ITLN1: variants seen among roughly 807,000 people sequenced by gnomAD.
The protein encoded by ITLN1 is intelectin 1.
In ITLN1, 29 loss-of-function variants were observed where a neutral mutation model predicts 36.2. The observed-to-expected ratio is 0.80, with a 90% confidence interval of 0.60 to 1.09. ITLN1 has a LOEUF of 1.09. ITLN1 is among the 50% of genes least tolerant of loss of function. ITLN1 has a pLI of 0.00. For synonymous variants in ITLN1, 143 were observed against 146.5 expected (o/e 0.98, Z 0.17); for missense variants, 358 against 405.2 (o/e 0.88, Z 1.00).
At position 160,884,811 on chromosome 1, in the gene ITLN1, G is replaced by A. The variant is rs186953650; in HGVS notation, c.58+9C>T. 1.1e-4 allele frequency: 177 copies of A among 1,600,722 alleles called. 1 individual carries two copies. In the East Asian group the frequency reaches 3.6e-3, roughly 33 times the overall value. Reference sequence around the variant, plus strand: ...TGAAGGAACTGCTGTCCCTAGCAGCGTGACTCACCTGTACTCCATCCTCTG... The same window carrying A: ...TGAAGGAACTGCTGTCCCTAGCAGCATGACTCACCTGTACTCCATCCTCTG... On this transcript the variant is annotated intron_variant, in intron 2 of 7. Transcript: ENST00000326245.
intron 5 of ITLN1, 148 bp from the exon 6 acceptor site, chr1:160,880,856 C>T (rs1469699761): frequency 7.8e-6 from 8 of 1,023,002 alleles, no homozygotes; most frequent in Non-Finnish European, 1.1e-5. Context: ...AGAATCTTTC[C>T]ATGACACTGC....
At chr1:160,881,019 A>C in intron 5 of ITLN1, 135 bp downstream of exon 5, 1 of 1,067,214 alleles carries the variant, frequency 9.4e-7, no homozygotes, top group Non-Finnish European at 1.3e-6. Context: ...TAAGAGAAGC[A>C]ACAGAAGCCA....
chr1:160,882,126 C>T lies in ITLN1; in HGVS notation c.236G>A (p.Trp79Ter), dbSNP rs772839476. The T allele has an allele frequency of 1.2e-6, 2 of 1,613,736 alleles. No individual in the cohort carries two copies. Among genetic ancestry groups the T allele is most frequent in the South Asian group, 1.1e-5 (1 of 91,036 alleles). The part of the protein sequence containing the change: ...FCDMTSGGGG[W>*]TLVASVHEND... ...CTCGTGCACGCTGGCCACCAGGGTC[C>T]AGCCGCCACCCCCAGAGGTCATGTC... The change falls in exon 4 of 8, where the codon TGG becomes TAG. Residue 79 changes from tryptophan (W) to a stop codon, truncating the protein, a stop_gained. Transcript: ENST00000326245. LOFTEE classifies it high-confidence loss of function.
intron 1 of ITLN1, 67 bp from the exon 2 acceptor site, chr1:160,884,950 T>C (rs1670735327): frequency 9.8e-7 from 1 of 1,023,702 alleles, no homozygotes; most frequent in African/African-American, 1.6e-5. Flanking sequence ...GCCCCACCCC[T>C]GTCCAGTCTT....
chr1:160,882,509 C>G (rs1253986199), intron 3 of ITLN1, among the ~76,000 whole-genome samples: 2 of 152,206 alleles, frequency 1.3e-5, no homozygotes, highest in African/African-American at 2.4e-5. Flanking sequence ...AAAACAGGGC[C>G]TCAAGCTGAT....
At chr1:160,884,328 A>G (rs1468799849) in intron 2 of ITLN1, among the ~76,000 whole-genome samples, 2 of 152,116 alleles carry the variant, frequency 1.3e-5, no homozygotes, top group Non-Finnish European at 2.9e-5. Flanking sequence ...CAGTTTCCTC[A>G]TACCTAAAAC....
Position 160,881,203 on chromosome 1 carries a change from T to A in ITLN1, c.515A>T (p.Asp172Val). Residue 172 changes from aspartate (D) to valine (V), a missense_variant, in exon 5 of 8, where the codon GAC becomes GTC. Physicochemically the swap from Asp to Val is radical, Grantham distance 152. Transcript: ENST00000326245. ...RNSSLLRYRT[D>V]TGFLQTLGHN... is the part of the protein sequence containing the mutation. ...TCCCAGTGTCTGGAGGAAGCCAGTG[T>A]CCGTGCGGTACCTCAGCAGGGAGCT... 6.2e-7 allele frequency: 1 copy of A among 1,613,740 alleles called. No homozygotes were observed. Among genetic ancestry groups the A allele is most frequent in the Non-Finnish European group, 8.5e-7 (1 of 1,179,756 alleles).
In ITLN1 at chr1:160,883,501, T is replaced by C. The variant is rs774483961; in HGVS notation, c.84A>G (p.Glu28=). The C allele has an allele frequency of 1.9e-6, 3 of 1,612,828 alleles. No homozygotes were observed. Among genetic ancestry groups the C allele is most frequent in the Non-Finnish European group, 2.5e-6 (3 of 1,178,918 alleles). The change falls in exon 3 of 8, where the codon GAA becomes GAG. Residue 28 remains glutamate (E), a synonymous_variant. Coordinates refer to ENST00000326245, the MANE Select transcript of ITLN1 (RefSeq NM_017625.3). ...GAGATGGAGACGAAGAACAGGTCCA[T>C]TCCTTGAAGTAAGTATTAGCCTCAT... ...STDEANTYFK[E]WTCSSSPSLP...
Position 160,880,670 on chromosome 1 carries a change from A to T in ITLN1, c.603T>A (p.Thr201=). 6.2e-7 allele frequency: 1 copy of T among 1,614,172 alleles called. No individual in the cohort carries two copies. The highest frequency in any genetic ancestry group is 8.5e-7 in the Non-Finnish European group (1 of 1,180,002). The part of the protein sequence containing the change: ...PVKYGEGKCW[T]DNGPVIPVVY... ...CCACAGGGATCACCGGGCCGTTGTC[A>T]GTCCAACACTTTCCTTCTCCATATT... The change falls in exon 6 of 8, where the codon ACT becomes ACA. Residue 201 remains threonine, a synonymous_variant. Coordinates refer to ENST00000326245, the MANE Select transcript of ITLN1 (RefSeq NM_017625.3).
At chr1:160,880,769 T>A (rs1335439861) in intron 5 of ITLN1, 61 bp from the exon 6 acceptor site, 5 of 1,555,066 alleles carry the variant, frequency 3.2e-6, no homozygotes, top group African/African-American at 1.4e-5. Context: ...TACCAGCATC[T>A]CCTGGGATGC....
chr1:160,877,908 C>A (rs1670616415), intron 7 of ITLN1, among the ~76,000 whole-genome samples: 1 of 152,168 alleles, frequency 6.6e-6, no homozygotes, highest in Admixed American at 6.5e-5. Context: ...GAGGTTCATG[C>A]CTGTAATCCT....
intron 4 of ITLN1, among the ~76,000 whole-genome samples, 148 bp downstream of exon 4, chr1:160,881,804 GAAAAA>G (rs56380748): frequency 8.0e-6 from 1 of 125,260 alleles, no homozygotes. Context: ...TCCGTCTCAA[GAAAAA>G]AAAAAAAAAA....
At chr1:160,878,878 C>A (rs552424524) in intron 7 of ITLN1, among the ~76,000 whole-genome samples, 40 of 152,252 alleles carry the variant, frequency 2.6e-4, no homozygotes, top group African/African-American at 9.6e-4. Flanking sequence ...CAGTGTGTAT[C>A]TAGGCAAACC....
At position 160,880,305 on chromosome 1, in the gene ITLN1, C is replaced by CAA. The variant is rs35460265; in HGVS notation, c.685+281_685+282dup. On this transcript the variant is annotated intron_variant, in intron 6 of 7. Coordinates refer to ENST00000326245, the MANE Select transcript of ITLN1 (RefSeq NM_017625.3). The stretch of plus-strand genomic sequence containing the variant: ...GGGCAACAACAGCAAAACTCCATCT[C>CAA]AAAAAAAAAAAAAGTCTGGAGCCAA... Among the ~76,000 whole-genome samples, 1,045 of 145,570 alleles carry CAA rather than the reference C, an allele frequency of 7.2e-3. 9 individuals carry two copies. Among genetic ancestry groups the CAA allele is most frequent in the Non-Finnish European group, 0.01 (687 of 66,374 alleles).
At position 160,879,383 on chromosome 1, in the gene ITLN1, C is replaced by G. The variant is rs757272637; in HGVS notation, c.717G>C (p.Arg239Ser). The G allele has an allele frequency of 1.2e-6, 2 of 1,614,124 alleles. No individual in the cohort carries two copies. The highest frequency in any genetic ancestry group is 1.7e-6 in the Non-Finnish European group (2 of 1,180,002). Residue 239 changes from arginine to serine, a missense_variant, in exon 7 of 8, where the codon AGG becomes AGC. Physicochemically the swap from Arg to Ser is moderately radical, Grantham distance 110 (BLOSUM62 -1). Coordinates refer to ENST00000326245, the MANE Select transcript of ITLN1 (RefSeq NM_017625.3). ...REFTAGFVQF[R>S]VFNNERAANA... is the part of the protein sequence containing the mutation. ...TGGCTGCTCTCTCGTTATTAAATAC[C>G]CTGAACTGAACAAATCCCGCAGTGA...
intron 3 of ITLN1, among the ~76,000 whole-genome samples, chr1:160,882,833 T>C (rs1670703280): frequency 6.6e-6 from 1 of 152,142 alleles, no homozygotes; most frequent in African/African-American, 2.4e-5. Flanking sequence ...AAGAGAGTTA[T>C]TGCTTAATAA....
Position 160,882,104 on chromosome 1 carries a change from G to A in ITLN1, c.258C>T (p.His86=), listed in dbSNP as rs2274908. The change falls in exon 4 of 8, where the codon CAC becomes CAT. Residue 86 remains histidine (H), a synonymous_variant. Transcript: ENST00000326245. ...GGGWTLVASV[H]ENDMRGKCTV... is the part of the protein sequence containing the mutation. ...TGCACTTCCCACGCATGTCATTCTCGTGCACGCTGGCCACCAGGGTCCAGC... is the reference window on the plus strand; with the variant it reads ...TGCACTTCCCACGCATGTCATTCTCATGCACGCTGGCCACCAGGGTCCAGC... The A allele has an allele frequency of 0.66, 1,070,082 of 1,613,816 alleles. 358,837 individuals are homozygous for A. Among genetic ancestry groups the A allele is most frequent in the Middle Eastern group, 0.71 (4,275 of 6,058 alleles).
At chr1:160,877,260 T>C (rs73027821) in intron 7 of ITLN1, among the ~76,000 whole-genome samples, 1,673 of 151,992 alleles carry the variant, frequency 0.011, 28 homozygotes, top group African/African-American at 0.039. Flanking sequence ...AAAAACTCTC[T>C]TCCTTTAGCT....
intron 5 of ITLN1, 43 bp downstream of exon 5, chr1:160,881,111 T>C (rs1193666260): frequency 1.9e-6 from 3 of 1,556,750 alleles, no homozygotes; most frequent in Non-Finnish European, 2.6e-6. Flanking sequence ...CTTGCTTCTC[T>C]GTACACCCAT....
Sources: allele counts gnomAD v4.1 joint callset (sites outside exome capture counted in the v4.1 genomes callset), GRCh38; gene constraint gnomAD v4.1.1; transcripts MANE v1.5; gene names NCBI Gene and HGNC (gene_info 2026-07-23, HGNC 2026-07-21).